The following SV2C variants were observed in gnomAD, a reference collection of about 807,000 sequenced individuals.
The protein encoded by SV2C is solute carrier family 22 member B3.
SV2C carries 49 observed loss-of-function variants against 79.7 expected under a neutral mutation model. The observed-to-expected ratio is 0.61, with a 90% CI of 0.49 to 0.78. The LOEUF is 0.78. Among genes scored for constraint, SV2C ranks in the 30% least tolerant of loss-of-function variants. SV2C has a pLI of 0.00. For synonymous variants in SV2C, 334 were observed against 333.2 expected (o/e 1.00, Z -0.03); for missense variants, 833 against 912.9 (o/e 0.91, Z 1.13).
At chr5:75,882,280 G>T in the SV2C span, among the ~76,000 whole-genome samples, 1 of 151,598 alleles carries the variant, frequency 6.6e-6, no homozygotes, top group South Asian at 2.1e-4. Flanking sequence ...AATATTCCAT[G>T]CTCATGGGTA....
chr5:76,097,492 G>C (rs1747604621), intron 1 of SV2C, among the ~76,000 whole-genome samples: 1 of 152,104 alleles, frequency 6.6e-6, no homozygotes, highest in Non-Finnish European at 1.5e-5. Flanking sequence ...TCTACACTTA[G>C]ATATTAGCAT....
At chr5:76,273,146 G>GATATATATATATATATATAT (rs369657969) in intron 4 of SV2C, among the ~76,000 whole-genome samples, 22 of 129,112 alleles carry the variant, frequency 1.7e-4, no homozygotes, top group African/African-American at 6.1e-4. Flanking sequence ...TTACAAAAAA[G>GATATATATATATATATATAT]ATATATATAT....
the SV2C span, among the ~76,000 whole-genome samples, chr5:76,072,119 T>C: frequency 6.6e-6 from 1 of 152,166 alleles, no homozygotes; most frequent in Non-Finnish European, 1.5e-5. Context: ...TTAAAAAAAC[T>C]ATAGATATGC....
the SV2C span, among the ~76,000 whole-genome samples, chr5:75,920,177 C>T: frequency 1.2e-4 from 18 of 152,160 alleles, no homozygotes; most frequent in East Asian, 3.9e-4. Context: ...TGAGAGTAAA[C>T]GCTGGTGAAG....
At chr5:76,072,245 G>A in the SV2C span, among the ~76,000 whole-genome samples, 1 of 152,082 alleles carries the variant, frequency 6.6e-6, no homozygotes, top group East Asian at 1.9e-4. Context: ...GGAAAACAAA[G>A]TTCAAGAAAA....
chr5:75,878,656 G>C, the SV2C span, among the ~76,000 whole-genome samples: 5 of 152,152 alleles, frequency 3.3e-5, no homozygotes, highest in South Asian at 1.0e-3. Context: ...CATGTCTATA[G>C]TGGTGGTCCT....
At chr5:75,877,456 A>G in the SV2C span, among the ~76,000 whole-genome samples, 1 of 152,080 alleles carries the variant, frequency 6.6e-6, no homozygotes, top group East Asian at 1.9e-4. Flanking sequence ...ACAACAGAAT[A>G]TGGCAATCTT....
In SV2C at chr5:76,214,918, A is replaced by C. The variant is rs193233360; in HGVS notation, c.913+5031A>C. On this transcript the variant is annotated intron_variant, in intron 4 of 12. Coordinates refer to ENST00000502798, the MANE Select transcript of SV2C (RefSeq NM_014979.4). ...ATGTATTCTAACATTTTTTGGTGAC[A>C]TCTTTAGAATTTTCTATATGTAAGA... Among the ~76,000 whole-genome samples, 629 of 152,222 alleles carry C rather than the reference A, an allele frequency of 4.1e-3. 11 individuals are homozygous for C. Among genetic ancestry groups the C allele is most frequent in the Admixed American group, 0.027 (420 of 15,302 alleles).
the SV2C span, among the ~76,000 whole-genome samples, chr5:75,876,542 A>G: frequency 6.6e-6 from 1 of 152,186 alleles, no homozygotes; most frequent in South Asian, 2.1e-4. Flanking sequence ...CTACGTAACA[A>G]ACCTTCACGT....
chr5:76,199,942 G>C (rs1363454208), intron 3 of SV2C, among the ~76,000 whole-genome samples: 3 of 152,194 alleles, frequency 2.0e-5, no homozygotes, highest in Non-Finnish European at 4.4e-5. Flanking sequence ...TATTTATACT[G>C]TTAGTCTTTC....
At chr5:75,935,457 C>T in the SV2C span, among the ~76,000 whole-genome samples, 838 of 151,976 alleles carry the variant, frequency 5.5e-3, 4 homozygotes, top group Non-Finnish European at 5.9e-3. Flanking sequence ...AATAGTCACA[C>T]GCACAGTGAT....
the SV2C span, among the ~76,000 whole-genome samples, chr5:76,065,409 A>G: frequency 6.6e-6 from 1 of 152,214 alleles, no homozygotes; most frequent in Non-Finnish European, 1.5e-5. Flanking sequence ...AATCAAAGAC[A>G]TGGGAAAAAC....
intron 4 of SV2C, among the ~76,000 whole-genome samples, chr5:76,259,804 T>G (rs1561287417): frequency 1.3e-5 from 2 of 152,216 alleles, no homozygotes; most frequent in African/African-American, 2.4e-5. Flanking sequence ...CTGCATAGTA[T>G]TCCATGGTGT....
At chr5:75,925,020 T>C in the SV2C span, among the ~76,000 whole-genome samples, 6 of 152,330 alleles carry the variant, frequency 3.9e-5, no homozygotes, top group East Asian at 1.2e-3. Flanking sequence ...TTATTTAATA[T>C]GAGTTTTCAT....
At chr5:76,272,289 A>G (rs891570857) in intron 4 of SV2C, among the ~76,000 whole-genome samples, 3 of 152,158 alleles carry the variant, frequency 2.0e-5, no homozygotes, top group East Asian at 3.9e-4. Context: ...TCACCTAACA[A>G]TGGATTCCAC....
the SV2C span, among the ~76,000 whole-genome samples, chr5:76,000,514 C>A: frequency 1.3e-5 from 2 of 152,224 alleles, no homozygotes; most frequent in Non-Finnish European, 2.9e-5. Flanking sequence ...TGAATTTTAA[C>A]AAGCTCCCCA....
At chr5:76,187,605 T>C (rs1743961369) in intron 2 of SV2C, among the ~76,000 whole-genome samples, 1 of 152,200 alleles carries the variant, frequency 6.6e-6, no homozygotes, top group African/African-American at 2.4e-5. Flanking sequence ...ATTACTTTCT[T>C]TGCTTTTATT....
At chr5:76,257,857 G>GGT (rs1746336864) in intron 4 of SV2C, among the ~76,000 whole-genome samples, 1 of 150,376 alleles carries the variant, frequency 6.6e-6, no homozygotes, top group Admixed American at 6.6e-5. Flanking sequence ...AGGTGTATGT[G>GGT]GTGTGTGTGT....
intron 4 of SV2C, among the ~76,000 whole-genome samples, chr5:76,230,731 G>A (rs1745389235): frequency 1.3e-5 from 2 of 152,026 alleles, no homozygotes; most frequent in South Asian, 4.2e-4. Context: ...AGAGGTTGCA[G>A]TGAGCCAAGA....
Sources: gnomAD v4.1 joint callset for allele counts (sites outside exome capture counted in the v4.1 genomes callset) on GRCh38, gnomAD v4.1.1 for gene constraint, MANE v1.5 for transcripts, NCBI Gene and HGNC (gene_info 2026-07-23, HGNC 2026-07-21) for gene names.